Variants in SYNJ1 observed in about 807,000 individuals in gnomAD.
The protein encoded by SYNJ1 is synaptojanin 1.
Under a neutral mutation model 168.2 loss-of-function variants are expected in SYNJ1, and 78 were observed. The ratio of observed to expected loss-of-function variants is 0.46; its 90% CI spans 0.39 to 0.56. The LOEUF is 0.56. Among genes scored for constraint, SYNJ1 ranks in the 20% least tolerant of loss-of-function variants. The pLI is 0.00. For synonymous variants in SYNJ1, 539 were observed against 548.6 expected, an observed-to-expected ratio of 0.98 and a Z score of 0.24; for missense variants, 1,303 against 1,597.6, an observed-to-expected ratio of 0.82 and a Z score of 3.14.
chr21:32,680,613 C>A (rs2041583900), intron 11 of SYNJ1, among the ~76,000 whole-genome samples: 1 of 151,614 alleles, frequency 6.6e-6, no homozygotes. Flanking sequence ...TAATTAAGTC[C>A]ATTCTTTTTT....
chr21:32,683,970 T>C lies in SYNJ1; in HGVS notation c.1200+68A>G. The C allele has an allele frequency of 2.3e-6, 3 of 1,316,060 alleles. No homozygotes were observed. The South Asian group carries it at 3.6e-5, about 16-fold the overall frequency. 81.5% of individuals were successfully genotyped at this position (1,316,060 alleles called of 1,614,324 possible). On this transcript the variant is annotated intron_variant, in intron 10 of 32. Transcript: ENST00000674351. The stretch of plus-strand genomic sequence containing the variant: ...ACTTTCTGGAAGGTAATAAGAAACA[T>C]AAGTATTCAAAAAGCACTTAAAGAG...
At chr21:32,676,209 G>A (rs1028760042) in intron 13 of SYNJ1, 123 bp downstream of exon 13, 11 of 678,182 alleles carry the variant, frequency 1.6e-5, no homozygotes, top group South Asian at 2.8e-5. Flanking sequence ...AATTTATCCT[G>A]TTAGGATCTG....
chr21:32,715,562 A>G (rs180848912), intron 2 of SYNJ1, among the ~76,000 whole-genome samples: 335 of 152,310 alleles, frequency 2.2e-3, no homozygotes, highest in African/African-American at 7.7e-3. Context: ...GTTTATCTAT[A>G]TTTCAGCAAC....
chr21:32,657,292 G>C (rs775010694), intron 19 of SYNJ1, among the ~76,000 whole-genome samples, 172 bp from the exon 20 acceptor site: 7 of 152,160 alleles, frequency 4.6e-5, no homozygotes, highest in Non-Finnish European at 1.0e-4. Context: ...GAAAGGTTTT[G>C]GTAAAGTTAT....
chr21:32,728,158 A>G (rs2043566257), upstream of SYNJ1: 1 of 1,246,852 alleles, frequency 8.0e-7, no homozygotes, highest in East Asian at 2.9e-5. Context: ...GGGCGGCCCC[A>G]GCCTCAGTCT....
chr21:32,727,783 G>A (rs1303400798), intron 1 of SYNJ1, 163 bp downstream of exon 1: 42 of 1,398,936 alleles, frequency 3.0e-5, no homozygotes, highest in Non-Finnish European at 3.8e-5. Flanking sequence ...CCAGTGGTCT[G>A]CTCACAACCC....
At chr21:32,633,850 A>C (rs1183145869) in intron 32 of SYNJ1, among the ~76,000 whole-genome samples, 1 of 152,218 alleles carries the variant, frequency 6.6e-6, no homozygotes, top group East Asian at 1.9e-4. Context: ...TAGTGTGATA[A>C]ATTTGTACAA....
intron 14 of SYNJ1, among the ~76,000 whole-genome samples, chr21:32,672,485 G>A (rs1262292141): frequency 1.3e-5 from 2 of 151,740 alleles, no homozygotes; most frequent in Admixed American, 6.6e-5. Context: ...GATTACAGGC[G>A]CACACCACCA....
chr21:32,699,272 C>T (rs1353126493), intron 4 of SYNJ1, among the ~76,000 whole-genome samples: 1 of 152,216 alleles, frequency 6.6e-6, no homozygotes, highest in African/African-American at 2.4e-5. Flanking sequence ...TTGTGATCTT[C>T]TATTGTCTCA....
Position 32,670,354 on chromosome 21 carries a change from GTTGGCTTACTTCTT to G in SYNJ1, c.1731_1744del (p.Lys577AsnfsTer2). On this transcript the variant is annotated frameshift_variant, in exon 15 of 33. Coordinates refer to ENST00000674351, the MANE Select transcript of SYNJ1 (RefSeq NM_203446.3). LOFTEE classifies it high-confidence loss of function. ...TTCAAAACCAATTGCAAATATATCA[GTTGGCTTACTTCTT>G]TTATCTAAAATTAAGCATCCAAGAA... 1 of 1,612,976 alleles carries G rather than the reference GTTGGCTTACTTCTT, an allele frequency of 6.2e-7. No homozygotes were observed.
intron 4 of SYNJ1, among the ~76,000 whole-genome samples, chr21:32,698,736 G>T (rs1303058833): frequency 6.6e-6 from 1 of 152,018 alleles, no homozygotes; most frequent in Non-Finnish European, 1.5e-5. Context: ...ACCTACATAA[G>T]TCCTAACTTA....
chr21:32,672,528 C>T (rs886909270), intron 14 of SYNJ1, among the ~76,000 whole-genome samples: 17 of 151,890 alleles, frequency 1.1e-4, no homozygotes, highest in Admixed American at 3.3e-4. Context: ...TTAGTAGAGA[C>T]GGAGTTTCAC....
At position 32,726,867 on chromosome 21, in the gene SYNJ1, T is replaced by C. The variant is rs967674859; in HGVS notation, c.29A>G (p.Tyr10Cys). The C allele has an allele frequency of 3.7e-6, 6 of 1,614,054 alleles. No individual in the cohort carries two copies. In the African/African-American group the frequency reaches 4.0e-5, roughly 11 times the overall value. The change falls in exon 2 of 33, where the codon TAT becomes TGT. Residue 10 changes from tyrosine (Y) to cysteine (C), a missense_variant. This residue lies in a region of SYNJ1 where 920 missense variants were observed against 1,208.8 expected (regional missense o/e 0.76). Transcript: ENST00000674351. MAFSKGFRIYHKLDPPPFSL... is the reference protein window; with the variant it reads MAFSKGFRICHKLDPPPFSL... ...GAAAGGTGGGGGATCCAATTTGTGA[T>C]AGATCCGGAATCCTTTACTGAACGC...
At position 32,630,817 on chromosome 21, in the gene SYNJ1, G is replaced by T. The variant is rs1172305693; in HGVS notation, c.*988C>A. 1.0e-5 allele frequency: 6 copies of T among 588,018 alleles called. No individual in the cohort carries two copies. Among genetic ancestry groups the T allele is most frequent in the East Asian group, 8.6e-5 (3 of 35,028 alleles). 36.4% of individuals were successfully genotyped at this position (588,018 alleles called of 1,614,324 possible). A position where few individuals can be genotyped will look rare whatever the true frequency, so the allele number is the denominator to read the frequency against. On this transcript the variant is annotated 3_prime_UTR_variant, in exon 33 of 33. Coordinates refer to ENST00000674351, the MANE Select transcript of SYNJ1 (RefSeq NM_203446.3). ...CAAAACTCCAGTTAACAATGAGAAG[G>T]GTTTTTCCTTATTTCCAATATACAC...
chr21:32,673,267 G>C (rs1262040421), intron 14 of SYNJ1, 73 bp downstream of exon 14: 1 of 1,349,246 alleles, frequency 7.4e-7, no homozygotes, highest in Non-Finnish European at 9.9e-7. Flanking sequence ...CCTCTGAAGT[G>C]CTATATTTGT....
At chr21:32,663,085 G>T (rs1016612614) in intron 18 of SYNJ1, among the ~76,000 whole-genome samples, 2 of 152,138 alleles carry the variant, frequency 1.3e-5, no homozygotes, top group African/African-American at 4.8e-5. Flanking sequence ...CAAGCATGTA[G>T]CCTAGTCTCT....
At chr21:32,666,242 T>G (rs894459606) in intron 16 of SYNJ1, 107 bp from the exon 17 acceptor site, 11 of 1,451,618 alleles carry the variant, frequency 7.6e-6, no homozygotes, top group Non-Finnish European at 1.0e-5. Context: ...GTATGGTACT[T>G]TGAGGGCAAG....
At chr21:32,716,534 T>C (rs986321002) in intron 2 of SYNJ1, among the ~76,000 whole-genome samples, 1 of 152,240 alleles carries the variant, frequency 6.6e-6, no homozygotes, top group Non-Finnish European at 1.5e-5. Context: ...CATTCTTATC[T>C]TCACTCTTCT....
intron 4 of SYNJ1, among the ~76,000 whole-genome samples, chr21:32,697,263 G>A (rs1442721998): frequency 1.3e-5 from 2 of 152,128 alleles, no homozygotes; most frequent in Non-Finnish European, 2.9e-5. Context: ...AAATTACATG[G>A]TTGTATCCTG....
Sources: gnomAD v4.1 joint callset for allele counts (sites outside exome capture counted in the v4.1 genomes callset) on GRCh38, gnomAD v4.1.1 for gene constraint, gnomAD v4.1.1 regional missense constraint, MANE v1.5 for transcripts, NCBI Gene and HGNC (gene_info 2026-07-23, HGNC 2026-07-21) for gene names.